The following SLC25A48 variants were observed in gnomAD, a reference collection of about 807,000 sequenced individuals.
SLC25A48 encodes solute carrier family 25 member 48.
A neutral mutation model predicts 32.2 loss-of-function variants in SLC25A48; 29 were observed. The observed-to-expected ratio is 0.90, with a 90% CI of 0.67 to 1.23. The LOEUF (loss-of-function observed/expected upper bound fraction) is 1.23, where lower values mean the gene tolerates loss of function less well. SLC25A48 is among the 50% of genes most tolerant of loss of function. SLC25A48 has a pLI of 0.00. For missense variants in SLC25A48, 399 were observed against 422.7 expected, an observed-to-expected ratio of 0.94 and a Z score of 0.49; for synonymous variants, 164 against 172.3, an observed-to-expected ratio of 0.95 and a Z score of 0.38.
intron 4 of SLC25A48, among the ~76,000 whole-genome samples, chr5:135,868,703 T>C (rs200725206): frequency 7.5e-6 from 1 of 133,524 alleles, no homozygotes; most frequent in East Asian, 2.4e-4. Flanking sequence ...CACACACACA[T>C]TCCCTATTGC....
At chr5:135,626,461 C>G (rs1470211612) in intron 1 of SLC25A48, among the ~76,000 whole-genome samples, 1 of 152,170 alleles carries the variant, frequency 6.6e-6, no homozygotes. Flanking sequence ...AGCCCTCAAG[C>G]CAAAGCCTTG....
intron 3 of SLC25A48, among the ~76,000 whole-genome samples, chr5:135,755,572 A>G (rs954443552): frequency 6.6e-6 from 1 of 152,046 alleles, no homozygotes; most frequent in Non-Finnish European, 1.5e-5. Flanking sequence ...GGTGTTAATG[A>G]AATATCGCTG....
intron 3 of SLC25A48, among the ~76,000 whole-genome samples, chr5:135,754,600 A>G (rs1236341503): frequency 6.6e-6 from 1 of 151,958 alleles, no homozygotes; most frequent in Non-Finnish European, 1.5e-5. Context: ...TTAATATCAC[A>G]GTGTGTACAC....
intron 3 of SLC25A48, among the ~76,000 whole-genome samples, chr5:135,641,023 A>G (rs1430496821): frequency 6.6e-6 from 1 of 152,266 alleles, no homozygotes; most frequent in Non-Finnish European, 1.5e-5. Flanking sequence ...GAAATTAAAG[A>G]CATATAAATT....
chr5:135,675,707 T>C (rs1020728981), intron 3 of SLC25A48, among the ~76,000 whole-genome samples: 2 of 151,974 alleles, frequency 1.3e-5, no homozygotes, highest in African/African-American at 4.8e-5. Flanking sequence ...TCCATATGAA[T>C]TTTAGGGTTA....
intron 2 of SLC25A48, among the ~76,000 whole-genome samples, chr5:135,847,601 C>A (rs1438834844): frequency 1.3e-5 from 2 of 151,932 alleles, no homozygotes; most frequent in Non-Finnish European, 2.9e-5. Flanking sequence ...TTACAAGTGT[C>A]CTTATAAGAG....
At chr5:135,619,677 A>G (rs928757859) in intron 1 of SLC25A48, among the ~76,000 whole-genome samples, 3 of 152,078 alleles carry the variant, frequency 2.0e-5, no homozygotes, top group Admixed American at 6.5e-5. Flanking sequence ...AGATGCATCT[A>G]TGCTGTTCAT....
chr5:135,594,165 A>G lies in SLC25A48; in HGVS notation c.-849+14568A>G, dbSNP rs193186166. On this transcript the variant is annotated intron_variant, in intron 1 of 10. Coordinates refer to the SLC25A48 transcript ENST00000646290. ...GTCAGAGGGCTGCCACAATGACTTC[A>G]TCTTCAATTTCTGAGGACCTGAGTA... Among the ~76,000 whole-genome samples, 574 of 152,304 alleles carry G rather than the reference A, an allele frequency of 3.8e-3. 1 individual carries two copies. Among genetic ancestry groups the G allele is most frequent in the Non-Finnish European group, 6.6e-3 (451 of 68,006 alleles).
intron 3 of SLC25A48, among the ~76,000 whole-genome samples, chr5:135,850,905 C>T (rs1759800974): frequency 6.6e-6 from 1 of 152,102 alleles, no homozygotes; most frequent in Non-Finnish European, 1.5e-5. Flanking sequence ...CCAGAGTTTA[C>T]CTGCGCCCAG....
intron 3 of SLC25A48, among the ~76,000 whole-genome samples, chr5:135,653,262 T>C (rs1753161028): frequency 6.6e-6 from 1 of 152,192 alleles, no homozygotes; most frequent in East Asian, 1.9e-4. Flanking sequence ...AATAAGAAGT[T>C]ACTCTACTGG....
intron 3 of SLC25A48, among the ~76,000 whole-genome samples, chr5:135,741,085 G>A (rs1349462175): frequency 6.6e-6 from 1 of 152,160 alleles, no homozygotes; most frequent in East Asian, 1.9e-4. Flanking sequence ...CTTTACATGT[G>A]TCATCTCACT....
chr5:135,750,535 A>G (rs1243357031), intron 3 of SLC25A48, among the ~76,000 whole-genome samples: 4 of 152,150 alleles, frequency 2.6e-5, no homozygotes, highest in Non-Finnish European at 5.9e-5. Context: ...CTCTCCGTCA[A>G]AGCATCACAG....
At chr5:135,732,815 G>A (rs1425867906) in intron 3 of SLC25A48, among the ~76,000 whole-genome samples, 1 of 152,164 alleles carries the variant, frequency 6.6e-6, no homozygotes, top group Non-Finnish European at 1.5e-5. Flanking sequence ...GGCCAGATGA[G>A]AAGGAGAAAA....
chr5:135,666,459 T>G (rs1375334148), intron 3 of SLC25A48, among the ~76,000 whole-genome samples: 1 of 152,190 alleles, frequency 6.6e-6, no homozygotes, highest in Non-Finnish European at 1.5e-5. Flanking sequence ...GGGTAAGGAT[T>G]GAAACCCAAT....
chr5:135,646,452 C>T (rs372247837), intron 3 of SLC25A48, among the ~76,000 whole-genome samples: 5 of 151,964 alleles, frequency 3.3e-5, no homozygotes, highest in African/African-American at 1.2e-4. Context: ...GAGCCACCAC[C>T]TCCTGGCCAC....
At chr5:135,792,958 T>C (rs911388270) in intron 3 of SLC25A48, among the ~76,000 whole-genome samples, 1 of 151,658 alleles carries the variant, frequency 6.6e-6, no homozygotes, top group Non-Finnish European at 1.5e-5. Flanking sequence ...TCACAGTGGA[T>C]ATACACCATG....
At chr5:135,764,738 C>T (rs1030018779) in intron 3 of SLC25A48, among the ~76,000 whole-genome samples, 1 of 137,602 alleles carries the variant, frequency 7.3e-6, no homozygotes, top group Non-Finnish European at 1.6e-5. Context: ...CTCCATATCA[C>T]GGGGGGTGCA....
At chr5:135,777,606 C>T (rs937863482) in intron 3 of SLC25A48, among the ~76,000 whole-genome samples, 1 of 151,416 alleles carries the variant, frequency 6.6e-6, no homozygotes, top group African/African-American at 2.4e-5. Flanking sequence ...GGCATGTAAC[C>T]GCCCCCTTGT....
rs1230400753 is a variant in SLC25A48 at position 135,667,545 on chromosome 5, T to C, written c.-521+32589T>C. On this transcript the variant is annotated intron_variant, in intron 3 of 10. Coordinates refer to the SLC25A48 transcript ENST00000646290. ...TGTGTAACCACCCTTAGCTTTCTTGTTATTTTCTCTTAAAAACCCCCTACT... is the reference window on the plus strand; with the variant it reads ...TGTGTAACCACCCTTAGCTTTCTTGCTATTTTCTCTTAAAAACCCCCTACT... Among the ~76,000 whole-genome samples the C allele has an allele frequency of 2.0e-5, 3 of 152,196 alleles. No homozygotes were observed. In the East Asian group the frequency reaches 5.8e-4, roughly 29 times the overall value.
Sources: allele counts gnomAD v4.1 joint callset (sites outside exome capture counted in the v4.1 genomes callset), GRCh38; gene constraint gnomAD v4.1.1; transcripts MANE v1.5; gene names NCBI Gene and HGNC (gene_info 2026-07-23, HGNC 2026-07-21).